SPON1: variants seen among roughly 807,000 people sequenced by gnomAD.
SPON1 encodes spondin-1.
In SPON1, 52 loss-of-function variants were observed where a neutral mutation model predicts 111.7. That is an observed-to-expected ratio of 0.47 (90% CI 0.37 to 0.59). The LOEUF is 0.59. Ranked by LOEUF, SPON1 falls within the 20% of genes least tolerant of loss-of-function variation. SPON1 has a pLI of 0.00. For missense variants in SPON1, 957 were observed against 1,068.5 expected, an observed-to-expected ratio of 0.90 and a Z score of 1.46; for synonymous variants, 410 against 395.8, an observed-to-expected ratio of 1.04 and a Z score of -0.43.
intron 2 of SPON1, among the ~76,000 whole-genome samples, chr11:14,017,816 G>A (rs772016722): frequency 9.2e-5 from 14 of 152,194 alleles, no homozygotes; most frequent in Non-Finnish European, 1.8e-4. Flanking sequence ...GACTACCTAA[G>A]TGTCTTGAAA....
intron 2 of SPON1, among the ~76,000 whole-genome samples, chr11:13,997,510 A>G (rs1221944554): frequency 1.3e-5 from 2 of 152,194 alleles, no homozygotes; most frequent in African/African-American, 4.8e-5. Flanking sequence ...CCCTCAATCA[A>G]TGCCTCCTAC....
At chr11:14,037,757 T>C (rs1474819181) in intron 2 of SPON1, among the ~76,000 whole-genome samples, 1 of 152,198 alleles carries the variant, frequency 6.6e-6, no homozygotes, top group African/African-American at 2.4e-5. Context: ...TTTAAAACTT[T>C]TGCTGTGTGA....
intron 6 of SPON1, among the ~76,000 whole-genome samples, chr11:14,229,006 G>C (rs1560472): frequency 6.6e-6 from 1 of 151,838 alleles, no homozygotes; most frequent in Non-Finnish European, 1.5e-5. Context: ...CCAAGAAAGA[G>C]GAAGGTTAGG....
intron 5 of SPON1, among the ~76,000 whole-genome samples, chr11:14,132,934 G>T (rs1847544568): frequency 6.6e-6 from 1 of 152,154 alleles, no homozygotes; most frequent in Non-Finnish European, 1.5e-5. Flanking sequence ...AGGTTGATAA[G>T]GTAGGCATTA....
At chr11:14,074,403 C>T (rs1170638122) in intron 3 of SPON1, among the ~76,000 whole-genome samples, 1 of 152,204 alleles carries the variant, frequency 6.6e-6, no homozygotes, top group African/African-American at 2.4e-5. Context: ...GATCATGTGA[C>T]ACATGCAGAT....
chr11:14,020,539 T>A lies in SPON1; in HGVS notation c.346-20982T>A, dbSNP rs191078907. The stretch of plus-strand genomic sequence containing the variant: ...GCCAAAATTTAAAATGCTCATACCC[T>A]TTAACTCTGAAATTTCACTTCTAGG... On this transcript the variant is annotated intron_variant, in intron 2 of 15. Transcript: ENST00000576479. 2.7e-4 allele frequency among the ~76,000 whole-genome samples: 41 copies of A among 152,364 alleles called. 1 individual carries two copies. The East Asian group carries it at 7.7e-3, about 29-fold the overall frequency.
At chr11:14,238,900 G>C (rs1180374692) in intron 6 of SPON1, among the ~76,000 whole-genome samples, 4 of 152,208 alleles carry the variant, frequency 2.6e-5, no homozygotes, top group African/African-American at 9.7e-5. Flanking sequence ...TGGATGCCCT[G>C]AGACACTTTG....
At chr11:13,975,210 C>T (rs551601323) in intron 1 of SPON1, among the ~76,000 whole-genome samples, 75 of 152,244 alleles carry the variant, frequency 4.9e-4, no homozygotes, top group Admixed American at 2.3e-3. Flanking sequence ...AGAGAGCAGA[C>T]GCCATGTCTT....
At chr11:14,170,665 G>A (rs11493369) in intron 6 of SPON1, among the ~76,000 whole-genome samples, 28,498 of 150,970 alleles carry the variant, frequency 0.19, 2,794 homozygotes, top group Admixed American at 0.24. Context: ...TGTGAGGTAC[G>A]TCCCATCAAT....
chr11:14,062,735 T>A (rs1202258575), intron 3 of SPON1, among the ~76,000 whole-genome samples: 1 of 152,228 alleles, frequency 6.6e-6, no homozygotes, highest in Non-Finnish European at 1.5e-5. Context: ...TTTCTTGAAA[T>A]GCATCTCACT....
chr11:14,243,556 G>GC (rs1848954069), intron 7 of SPON1, among the ~76,000 whole-genome samples, 160 bp downstream of exon 7: 1 of 152,194 alleles, frequency 6.6e-6, no homozygotes, highest in Non-Finnish European at 1.5e-5. Flanking sequence ...CATCACACCT[G>GC]CCCCATCTTC....
chr11:14,075,661 T>G (rs778894933), intron 4 of SPON1, among the ~76,000 whole-genome samples: 11 of 152,214 alleles, frequency 7.2e-5, no homozygotes, highest in Non-Finnish European at 1.3e-4. Context: ...TGGTGTCGTC[T>G]TCTTATTTTT....
chr11:14,020,386 G>A (rs931352136), intron 2 of SPON1, among the ~76,000 whole-genome samples: 16 of 152,320 alleles, frequency 1.1e-4, no homozygotes, highest in African/African-American at 3.6e-4. Flanking sequence ...GCAGTGAGGA[G>A]GTCAGAGTGA....
At position 14,179,285 on chromosome 11, in the gene SPON1, G is replaced by A. The variant is rs782650100; in HGVS notation, c.825+43717G>A. ...TATGACACAGCATTTTGCCATCATC[G>A]CAGATGTTCCACATAAAAGGGTCAA... On this transcript the variant is annotated intron_variant, in intron 6 of 15. Transcript: ENST00000576479. 6.0e-4 allele frequency among the ~76,000 whole-genome samples: 92 copies of A among 152,162 alleles called. 3 individuals carry two copies. Among genetic ancestry groups the A allele is most frequent in the Admixed American group, 1.2e-3 (19 of 15,282 alleles).
chr11:14,082,820 T>A (rs1848974175), intron 5 of SPON1, among the ~76,000 whole-genome samples: 1 of 152,242 alleles, frequency 6.6e-6, no homozygotes, highest in African/African-American at 2.4e-5. Flanking sequence ...CCATTCTCTA[T>A]CATCATGCCC....
At chr11:14,141,022 C>CG (rs1847648535) in intron 6 of SPON1, among the ~76,000 whole-genome samples, 1 of 114,304 alleles carries the variant, frequency 8.7e-6, no homozygotes, top group Non-Finnish European at 1.9e-5. Flanking sequence ...TGCAGGCGTG[C>CG]CCCCCCCATG....
rs1028297567 is a variant in SPON1, at chr11:14,257,837, C to A, written c.1431C>A (p.Ser477Arg). 1 of 1,595,342 alleles carries A rather than the reference C, an allele frequency of 6.3e-7. No individual in the cohort carries two copies. The highest frequency in any genetic ancestry group is 8.5e-7 in the Non-Finnish European group (1 of 1,171,362). ...QRMLKAQLDL[S>R]VPCPDTQDFQ... The stretch of plus-strand genomic sequence containing the variant: ...TGCTGAAAGCACAGCTGGACCTCAG[C>A]GTCCCCTGCCCTGACACCCAGGACT... The change falls in exon 11 of 16, where the codon AGC (serine) becomes AGA (arginine). Residue 477 changes from serine to arginine, a missense_variant. This residue lies in a region of SPON1 where 549 missense variants were observed against 606.2 expected (regional missense o/e 0.91). Transcript: ENST00000576479.
At chr11:14,109,830 G>C (rs988060337) in intron 5 of SPON1, among the ~76,000 whole-genome samples, 2 of 152,092 alleles carry the variant, frequency 1.3e-5, no homozygotes, top group African/African-American at 2.4e-5. Flanking sequence ...CACCTTCTGA[G>C]AATAAAGGAG....
intron 2 of SPON1, among the ~76,000 whole-genome samples, chr11:14,030,404 A>T (rs1364685711): frequency 1.3e-5 from 2 of 152,048 alleles, no homozygotes; most frequent in Non-Finnish European, 2.9e-5. Context: ...CTCAGGACTA[A>T]ACTTCTGTGG....
Sources: allele counts gnomAD v4.1 joint callset (sites outside exome capture counted in the v4.1 genomes callset), GRCh38; gene constraint gnomAD v4.1.1; regional missense constraint gnomAD v4.1.1; transcripts MANE v1.5; gene names NCBI Gene and HGNC (gene_info 2026-07-23, HGNC 2026-07-21).